PARD3B: variants seen among roughly 807,000 people sequenced by gnomAD.
PARD3B encodes the protein par-3 family cell polarity regulator beta.
In PARD3B, 103 loss-of-function variants were observed where a neutral mutation model predicts 130.2. That is an observed-to-expected ratio of 0.79 (90% CI 0.67 to 0.93). The LOEUF (loss-of-function observed/expected upper bound fraction) is 0.93. Ranked by LOEUF, PARD3B falls within the 40% of genes least tolerant of loss-of-function variation. PARD3B has a pLI of 0.00. For synonymous variants in PARD3B, 583 were observed against 553.2 expected (o/e 1.05, Z -0.76); for missense variants, 1,609 against 1,499.2 (o/e 1.07, Z -1.21).
chr2:205,342,531 C>A (rs1424938913), intron 18 of PARD3B, among the ~76,000 whole-genome samples: 1 of 152,094 alleles, frequency 6.6e-6, no homozygotes, highest in Non-Finnish European at 1.5e-5. Context: ...AAAGCTTAGA[C>A]AAATTACTAA....
At chr2:204,927,462 T>C (rs987866467) in intron 2 of PARD3B, among the ~76,000 whole-genome samples, 9 of 152,104 alleles carry the variant, frequency 5.9e-5, no homozygotes, top group African/African-American at 1.9e-4. Flanking sequence ...CTTCCCAGCC[T>C]TTAGAAGTGT....
At chr2:205,441,507 G>T (rs2047714334) in intron 20 of PARD3B, among the ~76,000 whole-genome samples, 1 of 152,168 alleles carries the variant, frequency 6.6e-6, no homozygotes, top group African/African-American at 2.4e-5. Context: ...CGTCTGGAGG[G>T]AGGTGGTGGG....
intron 21 of PARD3B, among the ~76,000 whole-genome samples, chr2:205,545,844 A>G (rs150519267): frequency 1.7e-3 from 261 of 152,298 alleles, no homozygotes; most frequent in African/African-American, 5.8e-3. Flanking sequence ...AAGGCATTAT[A>G]TCTTCTCCTC....
chr2:205,445,546 G>T (rs1651921556), intron 20 of PARD3B, among the ~76,000 whole-genome samples: 1 of 152,024 alleles, frequency 6.6e-6, no homozygotes, highest in African/African-American at 2.4e-5. Flanking sequence ...TAAACGGCCG[G>T]ATCTCACGAG....
chr2:204,715,027 GA>G (rs1322814409), intron 2 of PARD3B, among the ~76,000 whole-genome samples: 1 of 152,150 alleles, frequency 6.6e-6, no homozygotes, highest in Non-Finnish European at 1.5e-5. Flanking sequence ...GATAGCTTTT[GA>G]AAGGCTTACC....
chr2:205,552,074 A>G (rs1164595357), intron 21 of PARD3B, among the ~76,000 whole-genome samples: 1 of 152,214 alleles, frequency 6.6e-6, no homozygotes, highest in African/African-American at 2.4e-5. Flanking sequence ...TGATAGCTAC[A>G]GAACAATGAG....
intron 18 of PARD3B, among the ~76,000 whole-genome samples, chr2:205,317,919 G>A (rs2042614645): frequency 2.6e-5 from 4 of 151,960 alleles, no homozygotes; most frequent in Admixed American, 2.6e-4. Flanking sequence ...ACATAGCTCT[G>A]GAAATTAAAG....
chr2:205,194,950 A>ATT (rs56836818), intron 15 of PARD3B, among the ~76,000 whole-genome samples: 46,790 of 110,246 alleles, frequency 0.42, 10,148 homozygotes, highest in East Asian at 0.62. Context: ...CGCCAGGCTA[A>ATT]TTTTTTTTTT....
intron 1 of PARD3B, among the ~76,000 whole-genome samples, chr2:204,607,932 C>T (rs1395478242): frequency 1.3e-5 from 2 of 152,102 alleles, no homozygotes; most frequent in South Asian, 2.1e-4. Flanking sequence ...GACTTGGACC[C>T]CTTTGACAAT....
intron 2 of PARD3B, among the ~76,000 whole-genome samples, chr2:204,897,758 A>G (rs2046692822): frequency 6.6e-6 from 1 of 152,162 alleles, no homozygotes; most frequent in Non-Finnish European, 1.5e-5. Context: ...GAAACAAGCC[A>G]CAAAGCAAGC....
intron 18 of PARD3B, among the ~76,000 whole-genome samples, chr2:205,356,715 A>G (rs2044205030): frequency 2.0e-5 from 3 of 151,884 alleles, no homozygotes; most frequent in Admixed American, 2.0e-4. Flanking sequence ...ATATGGTGAA[A>G]CCCCGTCTCT....
chr2:205,318,874 A>C (rs1293009517), intron 18 of PARD3B, among the ~76,000 whole-genome samples: 1 of 152,182 alleles, frequency 6.6e-6, no homozygotes, highest in Non-Finnish European at 1.5e-5. Flanking sequence ...AGTCATGGCC[A>C]GGCCTGATTC....
intron 2 of PARD3B, among the ~76,000 whole-genome samples, chr2:204,758,274 T>TCA (rs1410666220): frequency 2.6e-5 from 4 of 152,072 alleles, no homozygotes; most frequent in Non-Finnish European, 5.9e-5. Context: ...CTAAAACAAG[T>TCA]CATGTGCCCA....
chr2:204,828,566 T>A (rs2043681381), intron 2 of PARD3B, among the ~76,000 whole-genome samples: 2 of 152,218 alleles, frequency 1.3e-5, no homozygotes, highest in Non-Finnish European at 2.9e-5. Flanking sequence ...GTCATACCAC[T>A]ATCTCCTTTC....
intron 2 of PARD3B, among the ~76,000 whole-genome samples, chr2:204,952,338 C>A (rs1450920992): frequency 6.6e-6 from 1 of 152,074 alleles, no homozygotes; most frequent in Non-Finnish European, 1.5e-5. Flanking sequence ...AAAACACTTC[C>A]CACCTGCTCT....
chr2:204,827,198 A>T (rs1327867458), intron 2 of PARD3B, among the ~76,000 whole-genome samples: 1 of 152,228 alleles, frequency 6.6e-6, no homozygotes. Context: ...ATTAACAGTT[A>T]TTGAAATATT....
intron 21 of PARD3B, among the ~76,000 whole-genome samples, chr2:205,540,229 TAAA>T (rs996649537): frequency 7.1e-6 from 1 of 140,642 alleles, no homozygotes; most frequent in African/African-American, 2.6e-5. Flanking sequence ...AAGAGCATAA[TAAA>T]AAAAAAAAAC....
intron 3 of PARD3B, among the ~76,000 whole-genome samples, chr2:205,027,154 G>A (rs1361123237): frequency 1.3e-5 from 2 of 151,976 alleles, no homozygotes; most frequent in Non-Finnish European, 2.9e-5. Flanking sequence ...TCTCTATAAT[G>A]ACTGCACCAA....
In PARD3B at chr2:204,669,527, A is replaced by G. The variant is rs1016490355; in HGVS notation, c.121-16654A>G. Among the ~76,000 whole-genome samples, 2 of 152,174 alleles carry G rather than the reference A, an allele frequency of 1.3e-5. No individual in the cohort carries two copies. The highest frequency in any genetic ancestry group is 2.9e-5 in the Non-Finnish European group (2 of 68,026). On this transcript the variant is annotated intron_variant, in intron 1 of 22. Coordinates refer to ENST00000406610, the MANE Select transcript of PARD3B (RefSeq NM_001302769.2). The surrounding 1 kb of genome is among the most constrained non-coding windows in gnomAD (Gnocchi z 4.3). Reference sequence around the variant, plus strand: ...TGTAAAAAGGAGAATATGTTCGAACATTCTTGTTTGAATGGTTTAGTAGTT... The same window carrying G: ...TGTAAAAAGGAGAATATGTTCGAACGTTCTTGTTTGAATGGTTTAGTAGTT...
Sources: allele counts gnomAD v4.1 joint callset (sites outside exome capture counted in the v4.1 genomes callset), GRCh38; gene constraint gnomAD v4.1.1; non-coding constraint Gnocchi (gnomAD v3.1); transcripts MANE v1.5; gene names NCBI Gene and HGNC (gene_info 2026-07-23, HGNC 2026-07-21).